The following CYLD variants were observed in gnomAD, a reference collection of about 807,000 sequenced individuals.
The protein encoded by CYLD is ubiquitin carboxyl-terminal hydrolase CYLD.
A neutral mutation model predicts 104.5 loss-of-function variants in CYLD; 26 were observed. The observed-to-expected ratio is 0.25, with a 90% CI of 0.18 to 0.35. The LOEUF is 0.35. Among genes scored for constraint, CYLD ranks in the 10% least tolerant of loss-of-function variants. CYLD has a pLI of 1.00. For synonymous variants in CYLD, 385 were observed against 399.9 expected, an observed-to-expected ratio of 0.96 and a Z score of 0.45; for missense variants, 703 against 1,136.1, an observed-to-expected ratio of 0.62 and a Z score of 5.48.
chr16:50,760,096 T>G (rs998036452), intron 5 of CYLD, among the ~76,000 whole-genome samples: 11 of 152,248 alleles, frequency 7.2e-5, no homozygotes, highest in African/African-American at 1.7e-4. Context: ...TCTATTCACG[T>G]ACTTATCCGT....
At chr16:50,763,297 CT>C (rs1042903550) in intron 5 of CYLD, among the ~76,000 whole-genome samples, 5 of 151,862 alleles carry the variant, frequency 3.3e-5, no homozygotes, top group African/African-American at 4.8e-5. Context: ...TTTTTTTCAC[CT>C]TTTGGCTAAA....
chr16:50,762,224 A>G (rs115834267), intron 5 of CYLD, among the ~76,000 whole-genome samples: 2 of 149,894 alleles, frequency 1.3e-5, no homozygotes, highest in Non-Finnish European at 3.0e-5. Flanking sequence ...GTGATTCTTT[A>G]TGTGTTTTAA....
intron 5 of CYLD, among the ~76,000 whole-genome samples, chr16:50,763,248 C>G (rs933298398): frequency 6.6e-6 from 1 of 152,174 alleles, no homozygotes; most frequent in African/African-American, 2.4e-5. Context: ...ATGGACACAT[C>G]ACATGTTGTT....
chr16:50,761,776 A>ATCTATCTATCTATCTATC (rs753354331), intron 5 of CYLD, among the ~76,000 whole-genome samples: 1 of 150,012 alleles, frequency 6.7e-6, no homozygotes, highest in Non-Finnish European at 1.5e-5. Flanking sequence ...CTATCTATCT[A>ATCTATCTATCTATCTATC]TATCTTTGAC....
At chr16:50,761,191 C>T (rs989618177) in intron 5 of CYLD, among the ~76,000 whole-genome samples, 3 of 152,066 alleles carry the variant, frequency 2.0e-5, no homozygotes, top group Admixed American at 6.5e-5. Context: ...TTCTGTGATG[C>T]GAGATGCAAA....
chr16:50,764,711 T>C (rs1480329815), intron 5 of CYLD, among the ~76,000 whole-genome samples: 1 of 152,206 alleles, frequency 6.6e-6, no homozygotes, highest in East Asian at 1.9e-4. Context: ...GATGCTTTTG[T>C]CTCCTGGGGA....
intron 5 of CYLD, among the ~76,000 whole-genome samples, chr16:50,759,207 A>T (rs950358809): frequency 6.6e-6 from 1 of 152,146 alleles, no homozygotes; most frequent in African/African-American, 2.4e-5. Context: ...GTGCCATTGC[A>T]CTCCAACCTG....
At chr16:50,757,503 T>G (rs997831354) in intron 5 of CYLD, among the ~76,000 whole-genome samples, 1 of 152,200 alleles carries the variant, frequency 6.6e-6, no homozygotes, top group African/African-American at 2.4e-5. Context: ...ATATATGTGC[T>G]TGATATTTTA....
intron 5 of CYLD, among the ~76,000 whole-genome samples, chr16:50,757,417 T>A (rs1967376539): frequency 1.3e-5 from 2 of 152,248 alleles, no homozygotes; most frequent in African/African-American, 4.8e-5. Flanking sequence ...ATTTTTAATT[T>A]ATTGCAAATT....
In CYLD at chr16:50,798,276, C is replaced by G. The variant is rs1347806192; in HGVS notation, c.*1768C>G. 4.3e-6 allele frequency: 1 copy of G among 231,900 alleles called. No individual in the cohort carries two copies. Among genetic ancestry groups the G allele is most frequent in the Non-Finnish European group, 8.5e-6 (1 of 117,304 alleles). The allele number at this position is 231,900 out of a possible 1,614,324, so 14.4% of individuals were successfully genotyped here. On this transcript the variant is annotated 3_prime_UTR_variant, in exon 19 of 19. Coordinates refer to ENST00000427738, the MANE Select transcript of CYLD (RefSeq NM_001378743.1). ...CCTCGGTATCTGCAGGTTTCTCATC[C>G]ATGGATTCAACCAACTGCAAATGGA...
chr16:50,787,947 T>A, intron 14 of CYLD, 95 bp downstream of exon 14: 1 of 765,912 alleles, frequency 1.3e-6, no homozygotes, highest in Non-Finnish European at 2.2e-6. Context: ...AATGATTTCT[T>A]AATATTGTAT....
chr16:50,750,575 T>G (rs1966536290), intron 3 of CYLD, among the ~76,000 whole-genome samples: 1 of 152,200 alleles, frequency 6.6e-6, no homozygotes, highest in African/African-American at 2.4e-5. Context: ...TGATTTAATT[T>G]CTTTTGTTTA....
chr16:50,775,312 G>T (rs1394208726), intron 6 of CYLD, 138 bp downstream of exon 6: 30 of 573,470 alleles, frequency 5.2e-5, no homozygotes, highest in Middle Eastern at 2.7e-4. Flanking sequence ...GGGCTTTAAG[G>T]TCTAGAGTGG....
chr16:50,792,528 A>G (rs917929246), intron 15 of CYLD, 69 bp from the exon 16 acceptor site: 1 of 1,034,098 alleles, frequency 9.7e-7, no homozygotes, highest in Non-Finnish European at 1.5e-6. Context: ...AGCCATGACT[A>G]TTTTGGTTTC....
rs940350665 is a variant in CYLD, at chr16:50,750,137, C to T, written c.439C>T (p.Arg147Cys). Residue 147 changes from arginine (R) to cysteine (C), a missense_variant, in exon 3 of 19, where the codon CGC (arginine) becomes TGC (cysteine). Transcript: ENST00000427738. ...SGEEKFPGVV[R>C]FRGPLLAERT... ...GGAAGAAAAATTTCCTGGAGTTGTA[C>T]GCTTCAGAGGACCCCTGTTAGCAGA... 13 of 1,613,894 alleles carry T rather than the reference C, an allele frequency of 8.1e-6. No individual in the cohort carries two copies. The highest frequency in any genetic ancestry group is 4.4e-5 in the South Asian group (4 of 91,084).
In CYLD at chr16:50,750,295, C is replaced by T. The variant is rs183175298; in HGVS notation, c.504+93C>T. The T allele has an allele frequency of 1.1e-4, 154 of 1,423,516 alleles. No homozygotes were observed. In the East Asian group the frequency reaches 1.2e-3, roughly 11 times the overall value. 88.2% of individuals were successfully genotyped at this position (1,423,516 alleles called of 1,614,324 possible). On this transcript the variant is annotated intron_variant, in intron 3 of 18. Transcript: ENST00000427738. ...ACATACATATTTTTCTCCTTAAATA[C>T]GAAATAAATTTTCCCAAGAGTCTTC... is the stretch of plus-strand genomic sequence containing the variant.
intron 14 of CYLD, 122 bp from the exon 15 acceptor site, chr16:50,791,436 C>A: frequency 2.1e-6 from 2 of 965,766 alleles, no homozygotes; most frequent in Non-Finnish European, 3.2e-6. Flanking sequence ...TTCTGACTAT[C>A]CAAAGCTACA....
intron 5 of CYLD, among the ~76,000 whole-genome samples, chr16:50,755,016 T>TATATATAC (rs1307252868): frequency 3.2e-4 from 3 of 9,246 alleles, no homozygotes; most frequent in Non-Finnish European, 6.9e-4. Context: ...CATATATATG[T>TATATATAC]ATATATACAT....
chr16:50,782,721 T>C (rs1028904335), intron 11 of CYLD, among the ~76,000 whole-genome samples: 4 of 152,164 alleles, frequency 2.6e-5, no homozygotes, highest in African/African-American at 4.8e-5. Context: ...GGAATAGATA[T>C]ACAGAGGGTA....
Sources: allele counts gnomAD v4.1 joint callset (sites outside exome capture counted in the v4.1 genomes callset), GRCh38; gene constraint gnomAD v4.1.1; transcripts MANE v1.5; gene names NCBI Gene and HGNC (gene_info 2026-07-23, HGNC 2026-07-21).